The following CEP57L1 variants were observed in gnomAD, a reference collection of about 807,000 sequenced individuals.
The protein encoded by CEP57L1 is centrosomal protein 57 like 1.
In CEP57L1, 37 loss-of-function variants were observed where a neutral mutation model predicts 61.0. The observed-to-expected ratio is 0.61, with a 90% CI of 0.47 to 0.80. The LOEUF (loss-of-function observed/expected upper bound fraction) is 0.80, where lower values mean the gene tolerates loss of function less well. Ranked by LOEUF, CEP57L1 falls within the 30% of genes least tolerant of loss-of-function variation. The pLI is 0.00. For synonymous variants in CEP57L1, 137 were observed against 162.3 expected (o/e 0.84, Z 1.19); for missense variants, 422 against 524.7 (o/e 0.80, Z 1.91).
At chr6:109,150,843 G>A (rs1349441072) in intron 4 of CEP57L1, among the ~76,000 whole-genome samples, 1 of 151,952 alleles carries the variant, frequency 6.6e-6, no homozygotes, top group Non-Finnish European at 1.5e-5. Flanking sequence ...TATGCCCGGG[G>A]GAAGTATCCT....
chr6:109,159,966 A>G (rs145451153), intron 9 of CEP57L1, among the ~76,000 whole-genome samples: 4 of 152,272 alleles, frequency 2.6e-5, no homozygotes, highest in Non-Finnish European at 4.4e-5. Flanking sequence ...GTAGGAATGT[A>G]ATTCCTTGTT....
rs555010183 is a variant in CEP57L1, at chr6:109,169,243, A to C, written c.*6273A>C. Among the ~76,000 whole-genome samples the C allele has an allele frequency of 2.8e-3, 421 of 151,952 alleles. 2 individuals are homozygous for C. Among genetic ancestry groups the C allele is most frequent in the African/African-American group, 9.5e-3 (394 of 41,460 alleles). ...TCCATCAGCAAAAAAAAAAAAAAAA[A>C]AAAAGATCAGAGTGCATCACACATA... On this transcript the variant is annotated 3_prime_UTR_variant, in exon 11 of 11. Coordinates refer to ENST00000517392, the MANE Select transcript of CEP57L1 (RefSeq NM_001271852.3).
intron 1 of CEP57L1, among the ~76,000 whole-genome samples, chr6:109,134,944 C>T (rs1199715992): frequency 1.3e-5 from 2 of 152,324 alleles, no homozygotes; most frequent in African/African-American, 4.8e-5. Context: ...ACATTCCATG[C>T]TCATGAGTAG....
rs777675197 is a variant in CEP57L1 at position 109,162,821 on chromosome 6, T to C, written c.1234T>C (p.Tyr412His). ...TTCAGGTATTCAGCAAGAAGACAGC[T>C]ACCCTAAAGGATCAAAGAACATAAA... is the stretch of plus-strand genomic sequence containing the variant. ...EASGIQQEDS[Y>H]PKGSKNIKNS... Residue 412 changes from tyrosine (Y) to histidine (H), a missense_variant, in exon 11 of 11, where the codon TAC becomes CAC. Coordinates refer to ENST00000517392, the MANE Select transcript of CEP57L1 (RefSeq NM_001271852.3). The C allele has an allele frequency of 3.1e-6, 5 of 1,613,346 alleles. No homozygotes were observed. In the South Asian group the frequency reaches 5.5e-5, roughly 18 times the overall value.
intron 7 of CEP57L1, 122 bp downstream of exon 7, chr6:109,155,999 A>C (rs758943590): frequency 7.7e-6 from 4 of 516,716 alleles, no homozygotes; most frequent in Non-Finnish European, 1.0e-5. Flanking sequence ...AAGACATGCA[A>C]TAATGCGTGT....
chr6:109,117,402 A>C (rs1165903718), intron 1 of CEP57L1, among the ~76,000 whole-genome samples: 1 of 152,180 alleles, frequency 6.6e-6, no homozygotes, highest in Non-Finnish European at 1.5e-5. Flanking sequence ...TGAAGGATGA[A>C]AGGTGATCAT....
chr6:109,129,931 A>C (rs1426639513), intron 1 of CEP57L1, among the ~76,000 whole-genome samples: 1 of 151,950 alleles, frequency 6.6e-6, no homozygotes, highest in African/African-American at 2.4e-5. Context: ...TGCCATATTA[A>C]CCTAAACTTC....
intron 3 of CEP57L1, among the ~76,000 whole-genome samples, chr6:109,149,511 G>T (rs1340188452): frequency 1.3e-5 from 2 of 152,060 alleles, no homozygotes; most frequent in African/African-American, 4.8e-5. Flanking sequence ...ATGCTGTTTT[G>T]GTTACTGTAG....
chr6:109,103,420 A>T (rs1295936850), intron 1 of CEP57L1, among the ~76,000 whole-genome samples: 2 of 152,306 alleles, frequency 1.3e-5, no homozygotes, highest in East Asian at 3.9e-4. Context: ...AGTTTTCCTT[A>T]ACAAGGTCGA....
intron 1 of CEP57L1, among the ~76,000 whole-genome samples, chr6:109,108,920 T>C (rs1771245901): frequency 6.6e-6 from 1 of 152,206 alleles, no homozygotes; most frequent in Non-Finnish European, 1.5e-5. Context: ...CCATCAGATA[T>C]ACCAGACTGA....
chr6:109,145,467 A>G lies in CEP57L1; in HGVS notation c.160+86A>G. The G allele has an allele frequency of 3.3e-6, 3 of 905,770 alleles. No homozygotes were observed. In the East Asian group the frequency reaches 7.9e-5, roughly 24 times the overall value. The allele number at this position is 905,770 out of a possible 1,614,324, so 56.1% of individuals were successfully genotyped here. ...TATGTGGAATACAATATGATTGCAT[A>G]TTTAATCTTAACAAAACTCCTAACT... On this transcript the variant is annotated intron_variant, in intron 2 of 10. Coordinates refer to ENST00000517392, the MANE Select transcript of CEP57L1 (RefSeq NM_001271852.3).
intron 1 of CEP57L1, among the ~76,000 whole-genome samples, chr6:109,128,724 A>G (rs1193014247): frequency 6.6e-6 from 1 of 152,170 alleles, no homozygotes; most frequent in Non-Finnish European, 1.5e-5. Context: ...TATACTCCAA[A>G]CAAATTCACT....
At chr6:109,097,359 T>C (rs1332537859) in intron 1 of CEP57L1, among the ~76,000 whole-genome samples, 1 of 152,242 alleles carries the variant, frequency 6.6e-6, no homozygotes, top group Non-Finnish European at 1.5e-5. Flanking sequence ...GCAGATTTGA[T>C]CAGATTTTCT....
intron 1 of CEP57L1, among the ~76,000 whole-genome samples, chr6:109,114,151 T>C (rs1020097760): frequency 6.6e-6 from 1 of 152,204 alleles, no homozygotes; most frequent in Non-Finnish European, 1.5e-5. Context: ...CCAAAATAAC[T>C]GTGTCAATTT....
At chr6:109,152,842 C>T (rs1562132916) in intron 4 of CEP57L1, among the ~76,000 whole-genome samples, 1 of 152,028 alleles carries the variant, frequency 6.6e-6, no homozygotes, top group Non-Finnish European at 1.5e-5. Flanking sequence ...GACTTGGTAG[C>T]TCACGCCTGT....
At chr6:109,135,808 G>A (rs1770592923) in intron 1 of CEP57L1, among the ~76,000 whole-genome samples, 1 of 152,214 alleles carries the variant, frequency 6.6e-6, no homozygotes, top group African/African-American at 2.4e-5. Context: ...ACAGACACAT[G>A]AAAAACTGCT....
intron 1 of CEP57L1, among the ~76,000 whole-genome samples, chr6:109,140,232 A>G (rs1241646965): frequency 1.3e-5 from 2 of 151,782 alleles, no homozygotes; most frequent in African/African-American, 2.4e-5. Flanking sequence ...AGCTGGGATT[A>G]CAAGCACTTG....
intron 1 of CEP57L1, among the ~76,000 whole-genome samples, chr6:109,119,956 A>G (rs1049678626): frequency 1.6e-4 from 24 of 152,212 alleles, no homozygotes; most frequent in African/African-American, 4.8e-4. Flanking sequence ...TATCATGCAC[A>G]TCAGTGATTT....
rs115659251 is a variant in CEP57L1 at position 109,108,178 on chromosome 6, C to T, written c.-4+12603C>T. On this transcript the variant is annotated intron_variant, in intron 1 of 10. Coordinates refer to ENST00000517392, the MANE Select transcript of CEP57L1 (RefSeq NM_001271852.3). ...TGCCCCACCAGTAAGCAGTAGTGTTCTGGAGGAGTCTCTGACACCAAAGCT... is the reference window on the plus strand; with the variant it reads ...TGCCCCACCAGTAAGCAGTAGTGTTTTGGAGGAGTCTCTGACACCAAAGCT... Among the ~76,000 whole-genome samples the T allele has an allele frequency of 8.3e-3, 1,257 of 151,824 alleles. 24 individuals are homozygous for T. The highest frequency in any genetic ancestry group is 0.029 in the African/African-American group (1,207 of 41,370).
Sources: gnomAD v4.1 joint callset for allele counts (sites outside exome capture counted in the v4.1 genomes callset) on GRCh38, gnomAD v4.1.1 for gene constraint, MANE v1.5 for transcripts, NCBI Gene and HGNC (gene_info 2026-07-23, HGNC 2026-07-21) for gene names.